NAP1L4: variants seen among roughly 807,000 people sequenced by gnomAD.
The protein encoded by NAP1L4 is nucleosome assembly protein 1 like 4, also known as nucleosome assembly protein 1-like 4.
NAP1L4 carries 15 observed loss-of-function variants against 58.2 expected under a neutral mutation model. The ratio of observed to expected loss-of-function variants is 0.26; its 90% confidence interval spans 0.17 to 0.40. The LOEUF is 0.40. NAP1L4 is among the 10% of genes least tolerant of loss of function. The pLI is 1.00. For missense variants in NAP1L4, 384 were observed against 451.1 expected (o/e 0.85, Z 1.35); for synonymous variants, 171 against 155.6 (o/e 1.10, Z -0.74).
chr11:2,951,996 C>G lies in NAP1L4; in HGVS notation c.1036-187G>C. ...TGTGCAGCGCATTTTAAAAGCATGC[C>G]AGGAAATTGAAAGTCACGCAAAACA... is the stretch of plus-strand genomic sequence containing the variant. On this transcript the variant is annotated intron_variant, in intron 12 of 15. Transcript: ENST00000380542. The surrounding 1 kb of genome is among the most constrained non-coding windows in gnomAD (Gnocchi z 4.0). 1.6e-6 allele frequency: 1 copy of G among 639,634 alleles called. No homozygotes were observed. Among genetic ancestry groups the G allele is most frequent in the Admixed American group, 2.6e-5 (1 of 38,980 alleles). 39.6% of individuals were successfully genotyped at this position (639,634 alleles called of 1,614,324 possible). A position where few individuals can be genotyped will look rare whatever the true frequency, so the allele number is the denominator to read the frequency against.
intron 8 of NAP1L4, chr11:2,963,788 G>C: frequency 1.9e-6 from 1 of 519,296 alleles, no homozygotes; most frequent in Non-Finnish European, 3.8e-6. Flanking sequence ...TCCAAGACCT[G>C]AAACTGAAAG....
intron 10 of NAP1L4, among the ~76,000 whole-genome samples, chr11:2,956,679 T>C (rs1846562751): frequency 6.6e-6 from 1 of 152,206 alleles, no homozygotes; most frequent in Non-Finnish European, 1.5e-5. Flanking sequence ...GTTAGGAGCA[T>C]GGCTGGGTGT....
intron 14 of NAP1L4, among the ~76,000 whole-genome samples, chr11:2,950,513 T>C (rs1243319058): frequency 6.6e-6 from 1 of 152,208 alleles, no homozygotes; most frequent in Non-Finnish European, 1.5e-5. Flanking sequence ...GTAACGTTAG[T>C]ATTCTGACAG....
chr11:2,976,819 C>G (rs1425509289), intron 3 of NAP1L4, among the ~76,000 whole-genome samples: 1 of 152,198 alleles, frequency 6.6e-6, no homozygotes, highest in African/African-American at 2.4e-5. Context: ...AGTGACTGTC[C>G]TTTTACCCAG....
chr11:2,976,085 G>C lies in NAP1L4; in HGVS notation c.112C>G (p.Leu38Val). Residue 38 changes from leucine (L) to valine (V), a missense_variant, in exon 4 of 16, where the codon CTG (leucine) becomes GTG (valine). Physicochemically the swap from Leu to Val is conservative, Grantham distance 32 (BLOSUM62 1). Coordinates refer to ENST00000380542, the MANE Select transcript of NAP1L4 (RefSeq NM_005969.4). ...TCAAGTCGCTCCTGTAAAGCTGCCA[G>C]AACTCGAGGATTCTGCATCACCTGA... is the stretch of plus-strand genomic sequence containing the variant. ...TDQVMQNPRV[L>V]AALQERLDNV... 1 of 1,614,046 alleles carries C rather than the reference G, an allele frequency of 6.2e-7. No individual in the cohort carries two copies.
chr11:2,972,279 C>A, intron 4 of NAP1L4, 36 bp from the exon 5 acceptor site: 1 of 1,549,160 alleles, frequency 6.5e-7, no homozygotes, highest in Non-Finnish European at 8.7e-7. Flanking sequence ...CATCCTCATG[C>A]CTGCAAAATA....
At position 2,970,586 on chromosome 11, in the gene NAP1L4, A is replaced by C. The variant is rs142060982; in HGVS notation, c.403-652T>G. The stretch of plus-strand genomic sequence containing the variant: ...GCAAAAGGAAGGGGAGTCAGGCCCC[A>C]GGGAAAAGGTAGACCAAGGGAGGTG... On this transcript the variant is annotated intron_variant, in intron 6 of 15. Coordinates refer to ENST00000380542, the MANE Select transcript of NAP1L4 (RefSeq NM_005969.4). Among the ~76,000 whole-genome samples, 87 of 152,298 alleles carry C rather than the reference A, an allele frequency of 5.7e-4. 3 individuals are homozygous for C. The East Asian group carries it at 0.016, about 28-fold the overall frequency.
chr11:2,986,626 A>ATTTTTTT (rs66494210), intron 1 of NAP1L4, among the ~76,000 whole-genome samples: 1 of 139,726 alleles, frequency 7.2e-6, no homozygotes, highest in African/African-American at 2.7e-5. Flanking sequence ...ATGGTAGTAA[A>ATTTTTTT]TTTTTTTTTT....
At chr11:2,968,035 C>G (rs756495755) in intron 7 of NAP1L4, among the ~76,000 whole-genome samples, 7 of 152,192 alleles carry the variant, frequency 4.6e-5, no homozygotes, top group Non-Finnish European at 8.8e-5. Context: ...CACCCCCAAT[C>G]CCACGTGAAG....
chr11:2,947,010 G>A (rs1325853659), intron 15 of NAP1L4, among the ~76,000 whole-genome samples: 5 of 150,156 alleles, frequency 3.3e-5, no homozygotes, highest in African/African-American at 1.3e-4. Flanking sequence ...GTGCAGGGAC[G>A]GGGAAGACTG....
At chr11:2,970,672 T>C (rs1392709533) in intron 6 of NAP1L4, among the ~76,000 whole-genome samples, 2 of 152,172 alleles carry the variant, frequency 1.3e-5, no homozygotes, top group Admixed American at 6.6e-5. Flanking sequence ...GGGATTGTTA[T>C]GATGAAATGA....
Position 2,951,089 on chromosome 11 carries a change from A to G in NAP1L4, c.1122+170T>C, listed in dbSNP as rs917471603. 4.8e-5 allele frequency: 32 copies of G among 665,294 alleles called. No homozygotes were observed. Among genetic ancestry groups the G allele is most frequent in the African/African-American group, 4.7e-4 (26 of 55,408 alleles). The allele number at this position is 665,294 out of a possible 1,614,324, so 41.2% of individuals were successfully genotyped here. A position where few individuals can be genotyped will look rare whatever the true frequency, so the allele number is the denominator to read the frequency against. On this transcript the variant is annotated intron_variant, in intron 14 of 15. Coordinates refer to ENST00000380542, the MANE Select transcript of NAP1L4 (RefSeq NM_005969.4). This position sits in a 1 kb window ranked among gnomAD's most constrained non-coding sequence, Gnocchi z 4.0. The stretch of plus-strand genomic sequence containing the variant: ...AGTATGTACACTCAACACTCAAATT[A>G]TAGACACAGTGTCTGAATAATCATT...
chr11:2,970,008 G>A (rs980205078), intron 6 of NAP1L4, 74 bp from the exon 7 acceptor site: 4 of 1,464,424 alleles, frequency 2.7e-6, no homozygotes, highest in South Asian at 1.3e-5. Context: ...GTAGAATATC[G>A]TTGCCGAATC....
In NAP1L4 at chr11:2,948,286, C is replaced by A. The variant is rs557478660; in HGVS notation, c.*32+941G>T. Among the ~76,000 whole-genome samples the A allele has an allele frequency of 2.0e-5, 3 of 152,172 alleles. No individual in the cohort carries two copies. The highest frequency in any genetic ancestry group is 4.4e-5 in the Non-Finnish European group (3 of 68,026). On this transcript the variant is annotated intron_variant, in intron 15 of 15. Transcript: ENST00000380542. This position sits in a 1 kb window ranked among gnomAD's most constrained non-coding sequence, Gnocchi z 5.1. The stretch of plus-strand genomic sequence containing the variant: ...TGAGGAAGACAGGGAGGCGGTGGCG[C>A]TAAGACCTCAAGGACGTCTGGTCTA...
intron 1 of NAP1L4, among the ~76,000 whole-genome samples, chr11:2,986,760 G>A (rs1306709606): frequency 6.7e-6 from 1 of 150,362 alleles, no homozygotes; most frequent in Non-Finnish European, 1.5e-5. Context: ...TGGAGTTACA[G>A]GTGCCCACCA....
At chr11:2,968,993 T>G (rs1447414453) in intron 7 of NAP1L4, among the ~76,000 whole-genome samples, 525 of 63,688 alleles carry the variant, frequency 8.2e-3, no homozygotes, top group Non-Finnish European at 0.012. Flanking sequence ...GTGTTGTTTT[T>G]TTTTTTTTTT....
intron 1 of NAP1L4, among the ~76,000 whole-genome samples, chr11:2,982,085 G>A (rs1167318146): frequency 6.6e-6 from 1 of 152,176 alleles, no homozygotes; most frequent in African/African-American, 2.4e-5. Flanking sequence ...AGCTGTTAAA[G>A]AATGAGGTGT....
intron 7 of NAP1L4, 108 bp from the exon 8 acceptor site, chr11:2,964,859 T>C (rs553008489): frequency 6.2e-5 from 48 of 775,280 alleles, no homozygotes; most frequent in Non-Finnish European, 7.5e-5. Flanking sequence ...ACTAGCCCTA[T>C]TGGAATTCTG....
intron 1 of NAP1L4, among the ~76,000 whole-genome samples, chr11:2,980,888 CA>C (rs908169758): frequency 3.3e-5 from 5 of 149,296 alleles, no homozygotes; most frequent in African/African-American, 9.9e-5. Flanking sequence ...TTGTCTTTTT[CA>C]AAAAAAATAA....
Sources: gnomAD v4.1 joint callset for allele counts (sites outside exome capture counted in the v4.1 genomes callset) on GRCh38, gnomAD v4.1.1 for gene constraint, Gnocchi (gnomAD v3.1) non-coding constraint, MANE v1.5 for transcripts, NCBI Gene and HGNC (gene_info 2026-07-23, HGNC 2026-07-21) for gene names.